Variants in SYNPO2 observed in about 807,000 individuals in gnomAD.
SYNPO2 encodes the protein synaptopodin-2.
In SYNPO2, 56 loss-of-function variants were observed where a neutral mutation model predicts 85.0. The ratio of observed to expected loss-of-function variants is 0.66; its 90% CI spans 0.53 to 0.82. The LOEUF is 0.82. Among genes scored for constraint, SYNPO2 ranks in the 40% least tolerant of loss-of-function variants. The pLI, the probability that SYNPO2 is intolerant of heterozygous loss-of-function variation, is 0.00. For synonymous variants in SYNPO2, 602 were observed against 591.1 expected, an observed-to-expected ratio of 1.02 and a Z score of -0.27; for missense variants, 1,575 against 1,534.2, an observed-to-expected ratio of 1.03 and a Z score of -0.44.
At chr4:118,864,689 T>C (rs1373514236) in intron 1 of SYNPO2, among the ~76,000 whole-genome samples, 1 of 152,244 alleles carries the variant, frequency 6.6e-6, no homozygotes, top group Non-Finnish European at 1.5e-5. Flanking sequence ...CCTTTATCAT[T>C]ATATAGTGAT....
At chr4:118,924,041 CGGGAGCTGTCTAG>C (rs774133150) in intron 1 of SYNPO2, among the ~76,000 whole-genome samples, 233 of 152,210 alleles carry the variant, frequency 1.5e-3, no homozygotes, top group Non-Finnish European at 2.3e-3. Context: ...ATGTAGTTGA[CGGGAGCTGTCTAG>C]ATACATCAGA....
At chr4:119,035,747 A>G (rs1233894281) in intron 4 of SYNPO2, 3 of 981,806 alleles carry the variant, frequency 3.1e-6, no homozygotes, top group East Asian at 1.2e-4. Context: ...AGAAGCAGGC[A>G]TTGTAGGACA....
At chr4:118,963,349 C>T (rs1159845269) in intron 1 of SYNPO2, among the ~76,000 whole-genome samples, 1 of 152,154 alleles carries the variant, frequency 6.6e-6, no homozygotes, top group Non-Finnish European at 1.5e-5. Context: ...GGCCACCAGA[C>T]TAAGAAATAA....
At chr4:118,953,443 G>A (rs1387980) in intron 1 of SYNPO2, among the ~76,000 whole-genome samples, 128,339 of 152,030 alleles carry the variant, frequency 0.84, 54,592 homozygotes, top group Middle Eastern at 0.93. Flanking sequence ...TGCCCAGTGC[G>A]GGGGATAGGA....
intron 4 of SYNPO2, among the ~76,000 whole-genome samples, chr4:119,044,798 A>G (rs1738826205): frequency 6.6e-6 from 1 of 152,250 alleles, no homozygotes. Flanking sequence ...AAGCTTAGAA[A>G]CATAGTGGAC....
At chr4:118,902,915 G>A (rs1732807483) in intron 1 of SYNPO2, among the ~76,000 whole-genome samples, 1 of 151,994 alleles carries the variant, frequency 6.6e-6, no homozygotes, top group Admixed American at 6.6e-5. Context: ...TTTCTAATGT[G>A]TCTTAATTTC....
At position 118,948,072 on chromosome 4, in the gene SYNPO2, A is replaced by C. The variant is rs1270413555; in HGVS notation, c.105+58931A>C. Among the ~76,000 whole-genome samples, 4 of 152,212 alleles carry C rather than the reference A, an allele frequency of 2.6e-5. No homozygotes were observed. In the South Asian group the frequency reaches 6.2e-4, roughly 24 times the overall value. On this transcript the variant is annotated intron_variant, in intron 1 of 4. Coordinates refer to ENST00000307142, the MANE Select transcript of SYNPO2 (RefSeq NM_133477.3). The stretch of plus-strand genomic sequence containing the variant: ...GTTAGTAAGTAAAAGAATAAAAAAA[A>C]CACTTTTTTCCCTCTCTAGAATTTT...
intron 1 of SYNPO2, among the ~76,000 whole-genome samples, chr4:119,022,828 G>A (rs1367115332): frequency 6.7e-5 from 10 of 149,842 alleles, no homozygotes; most frequent in Middle Eastern, 3.4e-3. Flanking sequence ...CCAGGCTGGA[G>A]TACAATGGTG....
chr4:118,876,223 C>A (rs1170921797), intron 1 of SYNPO2, among the ~76,000 whole-genome samples: 1 of 152,154 alleles, frequency 6.6e-6, no homozygotes, highest in African/African-American at 2.4e-5. Flanking sequence ...CACCACACTT[C>A]AATTGCACTA....
intron 1 of SYNPO2, among the ~76,000 whole-genome samples, chr4:118,974,251 C>A (rs1735643520): frequency 6.6e-6 from 1 of 152,244 alleles, no homozygotes; most frequent in African/African-American, 2.4e-5. Context: ...AAATCTCACA[C>A]AGGTATTGTA....
chr4:118,893,632 T>A (rs1732444225), intron 1 of SYNPO2, among the ~76,000 whole-genome samples: 1 of 152,146 alleles, frequency 6.6e-6, no homozygotes, highest in Non-Finnish European at 1.5e-5. Context: ...TTAAAATAAA[T>A]ACCATAGTTT....
intron 1 of SYNPO2, among the ~76,000 whole-genome samples, chr4:118,902,426 C>A (rs1040408446): frequency 3.3e-5 from 5 of 152,088 alleles, no homozygotes; most frequent in African/African-American, 1.2e-4. Context: ...TGGCAGCAGA[C>A]AAGAGAGAAT....
At chr4:119,040,530 T>C (rs1177290191) in intron 4 of SYNPO2, among the ~76,000 whole-genome samples, 1 of 152,208 alleles carries the variant, frequency 6.6e-6, no homozygotes, top group Non-Finnish European at 1.5e-5. Context: ...AAAGACTGGT[T>C]CAATATTTTT....
Position 119,030,091 on chromosome 4 carries a change from G to A in SYNPO2, c.1316G>A (p.Gly439Asp). The A allele has an allele frequency of 1.2e-6, 2 of 1,614,122 alleles. No homozygotes were observed. The highest frequency in any genetic ancestry group is 1.3e-5 in the African/African-American group (1 of 75,016). The change falls in exon 4 of 5, where the codon GGT (glycine) becomes GAT (aspartate). Residue 439 changes from glycine to aspartate, a missense_variant. Physicochemically the swap from Gly to Asp is moderately conservative, Grantham distance 94. Around this residue, in one of 3 missense-constraint regions of SYNPO2, gnomAD observed 1,508 missense variants for 1,446.8 expected, o/e 1.04. Transcript: ENST00000307142. ...GATACATGTGAAGTAGCATTTCTTGGTGCAAGCGAATCAGAGGTGGATGAA... is the reference window on the plus strand; with the variant it reads ...GATACATGTGAAGTAGCATTTCTTGATGCAAGCGAATCAGAGGTGGATGAA... ...KEDTCEVAFL[G>D]ASESEVDEEL...
intron 1 of SYNPO2, among the ~76,000 whole-genome samples, chr4:118,909,372 A>G (rs976163520): frequency 2.0e-5 from 3 of 152,110 alleles, no homozygotes; most frequent in Admixed American, 6.5e-5. Flanking sequence ...ATTGACCTAC[A>G]GGAGTTGATA....
At chr4:119,025,072 A>C (rs968768399) in intron 2 of SYNPO2, among the ~76,000 whole-genome samples, 1 of 152,194 alleles carries the variant, frequency 6.6e-6, no homozygotes, top group Non-Finnish European at 1.5e-5. Context: ...ATAAAGCTTT[A>C]TTCGCTCATG....
At position 119,058,948 on chromosome 4, in the gene SYNPO2, T is replaced by G. The variant is rs1025663265; in HGVS notation, c.*1014T>G. The G allele has an allele frequency of 3.9e-5, 6 of 152,200 alleles. No homozygotes were observed. Among genetic ancestry groups the G allele is most frequent in the African/African-American group, 1.4e-4 (6 of 41,442 alleles). 9.4% of individuals were successfully genotyped at this position (152,200 alleles called of 1,614,324 possible). The stretch of plus-strand genomic sequence containing the variant: ...GAATAGAAAGATTTAGATATATGCC[T>G]GTGACAGGAATAGATTCTGGGTTCA... On this transcript the variant is annotated 3_prime_UTR_variant, in exon 5 of 5. Coordinates refer to ENST00000307142, the MANE Select transcript of SYNPO2 (RefSeq NM_133477.3).
chr4:118,923,888 C>CAAAAAAAAAAAAA (rs35102295), intron 1 of SYNPO2, among the ~76,000 whole-genome samples: 1 of 128,838 alleles, frequency 7.8e-6, no homozygotes, highest in African/African-American at 2.8e-5. Flanking sequence ...AGACTGCACT[C>CAAAAAAAAAAAAA]AAAAAAAAAA....
At chr4:119,040,104 T>C (rs1040608406) in intron 4 of SYNPO2, among the ~76,000 whole-genome samples, 4 of 152,244 alleles carry the variant, frequency 2.6e-5, no homozygotes, top group African/African-American at 4.8e-5. Context: ...TGAAACAATA[T>C]GCATTTTGTA....
Sources: gnomAD v4.1 joint callset for allele counts (sites outside exome capture counted in the v4.1 genomes callset) on GRCh38, gnomAD v4.1.1 for gene constraint, gnomAD v4.1.1 regional missense constraint, MANE v1.5 for transcripts, NCBI Gene and HGNC (gene_info 2026-07-23, HGNC 2026-07-21) for gene names.